Variants in KCNJ6 observed in about 807,000 individuals in gnomAD.
KCNJ6 encodes potassium inwardly rectifying channel subfamily J member 6.
KCNJ6 carries 9 observed loss-of-function variants against 34.2 expected under a neutral mutation model. The ratio of observed to expected loss-of-function variants is 0.26; its 90% CI spans 0.16 to 0.46. The LOEUF (loss-of-function observed/expected upper bound fraction) is 0.46. Among genes scored for constraint, KCNJ6 ranks in the 20% least tolerant of loss-of-function variants. The pLI, the probability that KCNJ6 is intolerant of heterozygous loss-of-function variation, is 1.00. For missense variants in KCNJ6, 236 were observed against 531.3 expected (o/e 0.44, Z 5.46); for synonymous variants, 196 against 207.1 (o/e 0.95, Z 0.46).
At chr21:37,894,520 C>T (rs544942981) in intron 1 of KCNJ6, among the ~76,000 whole-genome samples, 1 of 152,234 alleles carries the variant, frequency 6.6e-6, no homozygotes, top group South Asian at 2.1e-4. Flanking sequence ...AAAAAATTAG[C>T]TGGGTATGGT....
At chr21:37,668,666 T>A (rs2054528151) in intron 3 of KCNJ6, among the ~76,000 whole-genome samples, 1 of 152,112 alleles carries the variant, frequency 6.6e-6, no homozygotes, top group Non-Finnish European at 1.5e-5. Context: ...TGGGTGTGGA[T>A]GCCGCACCCG....
intron 2 of KCNJ6, among the ~76,000 whole-genome samples, chr21:37,780,355 G>A (rs1176219534): frequency 6.6e-6 from 1 of 152,132 alleles, no homozygotes; most frequent in Non-Finnish European, 1.5e-5. Flanking sequence ...GAATTTTAGG[G>A]CAGTGAAACC....
chr21:37,808,203 G>C (rs1601481650), intron 2 of KCNJ6, among the ~76,000 whole-genome samples: 7 of 152,310 alleles, frequency 4.6e-5, no homozygotes, highest in Admixed American at 4.6e-4. Flanking sequence ...CGAAATCCGT[G>C]GAATTTGTCC....
intron 3 of KCNJ6, among the ~76,000 whole-genome samples, chr21:37,701,666 G>C (rs940685717): frequency 6.6e-6 from 1 of 152,156 alleles, no homozygotes; most frequent in Non-Finnish European, 1.5e-5. Flanking sequence ...CTGGCCATGA[G>C]TGCCACACAG....
intron 1 of KCNJ6, among the ~76,000 whole-genome samples, chr21:37,892,696 G>C (rs1239299885): frequency 6.6e-6 from 1 of 152,136 alleles, no homozygotes; most frequent in Non-Finnish European, 1.5e-5. Flanking sequence ...AATGGGCATA[G>C]GGCTTAGGAT....
chr21:37,727,521 T>G (rs2054861176), intron 2 of KCNJ6, among the ~76,000 whole-genome samples: 1 of 152,080 alleles, frequency 6.6e-6, no homozygotes, highest in Non-Finnish European at 1.5e-5. Context: ...GGTGTATATG[T>G]GAACTGGGGG....
At chr21:37,898,877 T>G (rs1027624266) in intron 1 of KCNJ6, among the ~76,000 whole-genome samples, 4 of 152,228 alleles carry the variant, frequency 2.6e-5, no homozygotes, top group African/African-American at 9.6e-5. Context: ...CCTTTTTCAT[T>G]AGTTTAGGTG....
rs1411187854 is a variant in KCNJ6, at chr21:37,619,092, AC to A, written c.*6066del. 3 of 152,204 alleles carry A rather than the reference AC, an allele frequency of 2.0e-5. No individual in the cohort carries two copies. Among genetic ancestry groups the A allele is most frequent in the Non-Finnish European group, 4.4e-5 (3 of 68,034 alleles). The allele number at this position is 152,204 out of a possible 1,614,324, so 9.4% of individuals were successfully genotyped here. ...GATCAAATCCATCCTTTATCTGTCG[AC>A]AATATAACAACATCACAATGATTTG... On this transcript the variant is annotated 3_prime_UTR_variant, in exon 4 of 4. Transcript: ENST00000609713.
chr21:37,798,686 G>C (rs574470904), intron 2 of KCNJ6, among the ~76,000 whole-genome samples: 1 of 152,304 alleles, frequency 6.6e-6, no homozygotes, highest in Non-Finnish European at 1.5e-5. Flanking sequence ...TAGATGGTGT[G>C]ATTCCATTCA....
intron 3 of KCNJ6, among the ~76,000 whole-genome samples, chr21:37,654,271 G>A (rs2054447497): frequency 6.6e-6 from 1 of 151,940 alleles, no homozygotes; most frequent in Non-Finnish European, 1.5e-5. Flanking sequence ...TGTGATCTAG[G>A]TGAAGGTGCT....
At chr21:37,676,581 T>G (rs1385818305) in intron 3 of KCNJ6, among the ~76,000 whole-genome samples, 2 of 152,200 alleles carry the variant, frequency 1.3e-5, no homozygotes, top group Non-Finnish European at 2.9e-5. Flanking sequence ...CTCCATCCAC[T>G]TCTGGCTGTG....
intron 1 of KCNJ6, among the ~76,000 whole-genome samples, chr21:37,852,257 T>C (rs927866198): frequency 2.0e-5 from 3 of 152,170 alleles, no homozygotes; most frequent in African/African-American, 7.2e-5. Flanking sequence ...CTGGAGACCA[T>C]ATGGGGAGCC....
intron 2 of KCNJ6, among the ~76,000 whole-genome samples, chr21:37,739,219 A>T (rs1002571088): frequency 6.6e-6 from 1 of 152,242 alleles, no homozygotes; most frequent in Non-Finnish European, 1.5e-5. Flanking sequence ...ATATATCATT[A>T]TTTTAATTTC....
At chr21:37,756,849 GCA>G (rs1360754397) in intron 2 of KCNJ6, among the ~76,000 whole-genome samples, 2 of 142,442 alleles carry the variant, frequency 1.4e-5, no homozygotes, top group Admixed American at 7.1e-5. Context: ...CCCAGAGTGA[GCA>G]CTCTCTCACA....
rs2054762998 is a variant in KCNJ6 at position 37,712,606 on chromosome 21, C to CCTT, written c.946+1604_946+1605insAAG. ...TCCCTTTCTCTTCCCTCCCTCCTCC[C>CCTT]CTCCTCCTCTCTCCCTCCTCTTCCC... On this transcript the variant is annotated intron_variant, in intron 3 of 3. Transcript: ENST00000609713. Among the ~76,000 whole-genome samples the CCTT allele has an allele frequency of 6.5e-5, 7 of 107,986 alleles. 2 individuals are homozygous for CCTT. The highest frequency in any genetic ancestry group is 3.1e-4 in the African/African-American group (7 of 22,786). 70.8% of individuals were successfully genotyped at this position (107,986 alleles called of 152,430 possible). A position where few individuals can be genotyped will look rare whatever the true frequency, so the allele number is the denominator to read the frequency against.
At chr21:37,819,549 A>G (rs2123552403) in intron 2 of KCNJ6, among the ~76,000 whole-genome samples, 1 of 152,312 alleles carries the variant, frequency 6.6e-6, no homozygotes, top group Middle Eastern at 3.4e-3. Flanking sequence ...ACAATGTACT[A>G]CATGTCACTG....
Position 37,624,862 on chromosome 21 carries a change from A to G in KCNJ6, c.*297T>C. 2.4e-6 allele frequency: 1 copy of G among 422,540 alleles called. No homozygotes were observed. Among genetic ancestry groups the G allele is most frequent in the Non-Finnish European group, 4.3e-6 (1 of 234,878 alleles). 26.2% of individuals were successfully genotyped at this position (422,540 alleles called of 1,614,324 possible). A position where few individuals can be genotyped will look rare whatever the true frequency, so the allele number is the denominator to read the frequency against. On this transcript the variant is annotated 3_prime_UTR_variant, in exon 4 of 4. Transcript: ENST00000609713. Reference sequence around the variant, plus strand: ...TGATCTGGTATTGTACAACACATGCAGGTAAGTAACTGAAATCTCCAGGAG... The same window carrying G: ...TGATCTGGTATTGTACAACACATGCGGGTAAGTAACTGAAATCTCCAGGAG...
intron 2 of KCNJ6, among the ~76,000 whole-genome samples, chr21:37,748,699 A>G (rs1485095344): frequency 2.0e-5 from 3 of 152,144 alleles, no homozygotes; most frequent in African/African-American, 7.2e-5. Flanking sequence ...GGCTTTGTGG[A>G]GGTTTGACAG....
chr21:37,738,109 C>G (rs2054922578), intron 2 of KCNJ6, among the ~76,000 whole-genome samples: 1 of 152,152 alleles, frequency 6.6e-6, no homozygotes. Context: ...ACTTTTGAGT[C>G]TCGGCTCACA....
Sources: gnomAD v4.1 joint callset for allele counts (sites outside exome capture counted in the v4.1 genomes callset) on GRCh38, gnomAD v4.1.1 for gene constraint, MANE v1.5 for transcripts, NCBI Gene and HGNC (gene_info 2026-07-23, HGNC 2026-07-21) for gene names.